Variants in CTNNA3 observed in about 807,000 individuals in gnomAD.
CTNNA3 encodes the protein catenin alpha 3, also known as catenin alpha-3.
Under a neutral mutation model 95.7 loss-of-function variants are expected in CTNNA3, and 76 were observed. That is an observed-to-expected ratio of 0.79 (90% CI 0.66 to 0.96). The LOEUF is 0.96. Among genes scored for constraint, CTNNA3 ranks in the 40% least tolerant of loss-of-function variants. The pLI is 0.00. For missense variants in CTNNA3, 1,191 were observed against 1,089.8 expected (o/e 1.09, Z -1.31); for synonymous variants, 431 against 374.4 (o/e 1.15, Z -1.74).
At chr10:66,304,512 A>C (rs2091905598) in intron 12 of CTNNA3, among the ~76,000 whole-genome samples, 1 of 152,198 alleles carries the variant, frequency 6.6e-6, no homozygotes, top group African/African-American at 2.4e-5. Context: ...GAATGAACAA[A>C]GATTTGCACT....
At chr10:67,223,930 A>T (rs1176488243) in intron 5 of CTNNA3, among the ~76,000 whole-genome samples, 1 of 152,206 alleles carries the variant, frequency 6.6e-6, no homozygotes, top group Non-Finnish European at 1.5e-5. Context: ...GAGAATGTGA[A>T]TCTTTTTTCC....
chr10:67,191,972 A>G (rs867171045), intron 6 of CTNNA3, among the ~76,000 whole-genome samples: 14 of 151,900 alleles, frequency 9.2e-5, no homozygotes, highest in Admixed American at 2.6e-4. Context: ...CTGTAAAAGC[A>G]CAATGGGGAA....
At chr10:66,857,565 A>ATG (rs1254305895) in intron 7 of CTNNA3, among the ~76,000 whole-genome samples, 1 of 151,912 alleles carries the variant, frequency 6.6e-6, no homozygotes, top group Non-Finnish European at 1.5e-5. Context: ...CCATTTGCTT[A>ATG]TGTCATCTTT....
chr10:66,116,812 C>T (rs2082360063), intron 13 of CTNNA3, among the ~76,000 whole-genome samples: 1 of 152,090 alleles, frequency 6.6e-6, no homozygotes, highest in Non-Finnish European at 1.5e-5. Context: ...CACATCTTCA[C>T]ATGGAGCAGG....
chr10:67,297,433 G>A (rs1352704939), intron 5 of CTNNA3, among the ~76,000 whole-genome samples: 1 of 152,168 alleles, frequency 6.6e-6, no homozygotes, highest in Non-Finnish European at 1.5e-5. Context: ...TCAGAGTTCA[G>A]CCCACTGGAA....
chr10:65,979,569 C>A (rs570922024), intron 16 of CTNNA3, among the ~76,000 whole-genome samples: 4 of 152,158 alleles, frequency 2.6e-5, no homozygotes, highest in African/African-American at 9.6e-5. Flanking sequence ...CAGCCAACTA[C>A]AAGAAGAAAC....
chr10:67,028,235 G>T (rs971620764), intron 7 of CTNNA3, among the ~76,000 whole-genome samples: 1 of 152,072 alleles, frequency 6.6e-6, no homozygotes, highest in African/African-American at 2.4e-5. Context: ...GTTTGTCATT[G>T]TTTGTTTGTT....
chr10:66,686,793 A>T (rs904504042), intron 9 of CTNNA3, among the ~76,000 whole-genome samples: 2 of 152,194 alleles, frequency 1.3e-5, no homozygotes, highest in African/African-American at 2.4e-5. Flanking sequence ...AAATAAGGAC[A>T]ATACCATTTG....
Position 67,379,976 on chromosome 10 carries a change from C to G in CTNNA3, c.579+141866G>C, listed in dbSNP as rs1236552397. 4.8e-5 allele frequency among the ~76,000 whole-genome samples: 7 copies of G among 147,280 alleles called. No individual in the cohort carries two copies. The East Asian group carries it at 7.9e-4, about 17-fold the overall frequency. On this transcript the variant is annotated intron_variant, in intron 5 of 17. Coordinates refer to ENST00000433211, the MANE Select transcript of CTNNA3 (RefSeq NM_013266.4). ...GCGGAGCTTGCAGTGAGCCGAGATC[C>G]CGCCACTGCACTCCAGCCTGGGCGA...
intron 1 of CTNNA3, among the ~76,000 whole-genome samples, chr10:67,742,836 C>G (rs1341904029): frequency 2.6e-5 from 4 of 151,258 alleles, no homozygotes; most frequent in African/African-American, 9.7e-5. Context: ...ACCGATCCCA[C>G]AGAAATACAA....
At chr10:67,635,750 C>T (rs1217408553) in intron 2 of CTNNA3, among the ~76,000 whole-genome samples, 5 of 151,848 alleles carry the variant, frequency 3.3e-5, no homozygotes, top group Admixed American at 1.3e-4. Flanking sequence ...CCCTTGAAAA[C>T]GCACAAGACA....
intron 7 of CTNNA3, among the ~76,000 whole-genome samples, chr10:67,088,259 G>A (rs1857421564): frequency 2.0e-5 from 3 of 151,556 alleles, no homozygotes; most frequent in Non-Finnish European, 4.4e-5. Flanking sequence ...ATATGGCCCA[G>A]AGAAGGCATT....
chr10:67,566,030 CAT>C (rs200318271), intron 3 of CTNNA3, among the ~76,000 whole-genome samples: 5,133 of 39,706 alleles, frequency 0.13, 800 homozygotes, highest in African/African-American at 0.34. Flanking sequence ...CACACACACA[CAT>C]ATGTGTGTGT....
chr10:66,801,786 A>T (rs1188889803), intron 7 of CTNNA3, among the ~76,000 whole-genome samples: 1 of 151,674 alleles, frequency 6.6e-6, no homozygotes, highest in Non-Finnish European at 1.5e-5. Flanking sequence ...CAAAGAATCT[A>T]GGATGGACAA....
At chr10:65,944,653 C>T (rs1044954029) in intron 17 of CTNNA3, among the ~76,000 whole-genome samples, 3 of 152,124 alleles carry the variant, frequency 2.0e-5, no homozygotes, top group African/African-American at 7.2e-5. Flanking sequence ...AGCCATTTAG[C>T]TGGCATATGG....
intron 9 of CTNNA3, among the ~76,000 whole-genome samples, chr10:66,737,644 A>T (rs1284247387): frequency 1.3e-5 from 2 of 151,834 alleles, no homozygotes; most frequent in Admixed American, 1.3e-4. Context: ...GCAAACTTTG[A>T]ATCTAACTTA....
At chr10:66,086,691 A>C (rs1411343988) in intron 14 of CTNNA3, among the ~76,000 whole-genome samples, 1 of 152,084 alleles carries the variant, frequency 6.6e-6, no homozygotes, top group East Asian at 1.9e-4. Flanking sequence ...TCAGTAGAAA[A>C]GAACGATCTT....
At chr10:67,501,393 A>AC (rs1407150359) in intron 5 of CTNNA3, among the ~76,000 whole-genome samples, 1 of 152,148 alleles carries the variant, frequency 6.6e-6, no homozygotes, top group African/African-American at 2.4e-5. Flanking sequence ...TCTGCCCTTA[A>AC]CATTTTTTCC....
At chr10:66,691,002 C>T (rs1453989441) in intron 9 of CTNNA3, among the ~76,000 whole-genome samples, 1 of 152,170 alleles carries the variant, frequency 6.6e-6, no homozygotes, top group East Asian at 1.9e-4. Flanking sequence ...ATAGGAACAG[C>T]TCCGGTCTAC....
Sources: allele counts gnomAD v4.1 joint callset (sites outside exome capture counted in the v4.1 genomes callset), GRCh38; gene constraint gnomAD v4.1.1; transcripts MANE v1.5; gene names NCBI Gene and HGNC (gene_info 2026-07-23, HGNC 2026-07-21).